Variants in PMEL observed in about 807,000 individuals in gnomAD.
PMEL encodes the protein melanocyte protein PMEL.
Under a neutral mutation model 64.9 loss-of-function variants are expected in PMEL, and 53 were observed. The observed-to-expected ratio is 0.82, with a 90% CI of 0.66 to 1.03. The LOEUF (loss-of-function observed/expected upper bound fraction) is 1.03, where lower values mean the gene tolerates loss of function less well. Ranked by LOEUF, PMEL falls within the 50% of genes least tolerant of loss-of-function variation. PMEL has a pLI of 0.00. For missense variants in PMEL, 716 were observed against 814.9 expected (o/e 0.88, Z 1.48); for synonymous variants, 299 against 316.2 (o/e 0.95, Z 0.58).
chr12:55,963,414 G>A (rs1371280509), intron 1 of PMEL, among the ~76,000 whole-genome samples: 1 of 152,136 alleles, frequency 6.6e-6, no homozygotes, highest in African/African-American at 2.4e-5. Flanking sequence ...TGTTGTTTTT[G>A]TTTTTGTTTT....
At position 55,954,118 on chromosome 12, in the gene PMEL, A is replaced by G. The variant is rs189778359; in HGVS notation, c.*96T>C. On this transcript the variant is annotated 3_prime_UTR_variant, in exon 11 of 11. Coordinates refer to ENST00000548747, the MANE Select transcript of PMEL (RefSeq NM_001384361.1). ...GAAAAACCAGCATCAGGCTCTGAGT[A>G]TTTATTTCAGTTAATAGTAGTCTCC... 3.5e-4 allele frequency: 420 copies of G among 1,210,890 alleles called. 4 individuals are homozygous for G. The African/African-American group carries it at 6.0e-3, about 17-fold the overall frequency. The allele number at this position is 1,210,890 out of a possible 1,614,324, so 75.0% of individuals were successfully genotyped here. A position where few individuals can be genotyped will look rare whatever the true frequency, so the allele number is the denominator to read the frequency against.
chr12:55,961,703 A>C lies in PMEL; in HGVS notation c.106T>G (p.Ser36Ala), dbSNP rs2136446807. ...CAGGCTTTGGTTCTGAGTTGCCTTG[A>C]GACACCAAGCCAGTCCTGGTTTCTG... ...VPRNQDWLGV[S>A]RQLRTKAWNR... Residue 36 changes from serine (S) to alanine (A), a missense_variant, in exon 2 of 11, where the codon TCA (serine) becomes GCA (alanine). Transcript: ENST00000548747. 1 of 1,614,036 alleles carries C rather than the reference A, an allele frequency of 6.2e-7. No individual in the cohort carries two copies. Among genetic ancestry groups the C allele is most frequent in the African/African-American group, 1.3e-5 (1 of 75,040 alleles).
chr12:55,958,698 G>A, intron 3 of PMEL, 91 bp from the exon 4 acceptor site: 4 of 1,293,488 alleles, frequency 3.1e-6, no homozygotes, highest in South Asian at 1.4e-5. Context: ...ATCAGAGAGG[G>A]GCTCTGGGAA....
chr12:55,958,601 T>C lies in PMEL; in HGVS notation c.341A>G (p.Gln114Arg). 6.2e-7 allele frequency: 1 copy of C among 1,613,446 alleles called. No homozygotes were observed. Among genetic ancestry groups the C allele is most frequent in the Non-Finnish European group, 8.5e-7 (1 of 1,179,790 alleles). ...WVNNTIINGS[Q>R]VWGGQPVYPQ... ...ATACACTGGCTGTCCTCCCCACACC[T>C]GGCTCCCTGAAAGATAAATACAGAG... The change falls in exon 4 of 11, where the codon CAG (glutamine) becomes CGG (arginine). Residue 114 changes from glutamine (Q) to arginine (R), a missense_variant. Coordinates refer to ENST00000548747, the MANE Select transcript of PMEL (RefSeq NM_001384361.1).
In PMEL at chr12:55,958,535, C is replaced by A. The variant is rs770219947; in HGVS notation, c.407G>T (p.Gly136Val). 1 of 1,614,068 alleles carries A rather than the reference C, an allele frequency of 6.2e-7. No individual in the cohort carries two copies. The highest frequency in any genetic ancestry group is 1.7e-5 in the Admixed American group (1 of 60,012). The change falls in exon 4 of 11, where the codon GGA becomes GTA. Residue 136 changes from glycine to valine, a missense_variant. Physicochemically the swap from Gly to Val is moderately radical, Grantham distance 109. Transcript: ENST00000548747. ...TDDACIFPDG[G>V]PCPSGSWSQK... is the part of the protein sequence containing the mutation. ...AGACCAAGAGCCAGATGGGCAAGGTCCACCATCAGGGAAGATGCAGGCATC... is the reference window on the plus strand; with the variant it reads ...AGACCAAGAGCCAGATGGGCAAGGTACACCATCAGGGAAGATGCAGGCATC...
chr12:55,954,305 T>C lies in PMEL; in HGVS notation c.1895A>G (p.His632Arg). Residue 632 changes from histidine (H) to arginine (R), a missense_variant, in exon 11 of 11, where the codon CAT becomes CGT. Physicochemically the swap from His to Arg is conservative, Grantham distance 29 (BLOSUM62 0). Coordinates refer to ENST00000548747, the MANE Select transcript of PMEL (RefSeq NM_001384361.1). ...TAGACGCAGCCAGTGACTGCTGCTA[T>C]GTGGCAACTGGGGTACGGAGAAGTC... ...KQDFSVPQLP[H>R]SSSHWLRLPR... 1 of 1,614,136 alleles carries C rather than the reference T, an allele frequency of 6.2e-7. No homozygotes were observed. Among genetic ancestry groups the C allele is most frequent in the Non-Finnish European group, 8.5e-7 (1 of 1,179,962 alleles).
chr12:55,955,956 C>A, intron 7 of PMEL, 93 bp from the exon 8 acceptor site: 2 of 1,202,894 alleles, frequency 1.7e-6, no homozygotes, highest in African/African-American at 1.5e-5. Flanking sequence ...CTCCACCAAT[C>A]CCATCCCTGT....
intron 4 of PMEL, 76 bp from the exon 5 acceptor site, chr12:55,958,160 G>C: frequency 2.1e-6 from 3 of 1,462,256 alleles, no homozygotes; most frequent in Non-Finnish European, 2.8e-6. Context: ...CTTCGAAACG[G>C]CACTGGAGAT....
At chr12:55,956,351 G>C (rs1888886052) in intron 6 of PMEL, 132 bp from the exon 7 acceptor site, 2 of 649,278 alleles carry the variant, frequency 3.1e-6, no homozygotes, top group Non-Finnish European at 2.8e-6. Context: ...AATCAGATAA[G>C]ACCTGGGAAA....
At chr12:55,959,415 TAAG>T (rs1386470102) in intron 3 of PMEL, among the ~76,000 whole-genome samples, 1 of 145,874 alleles carries the variant, frequency 6.9e-6, no homozygotes, top group African/African-American at 2.7e-5. Context: ...ATAAATAAAA[TAAG>T]AAAAATAAAA....
In PMEL at chr12:55,957,386, A is replaced by G; in HGVS notation, c.917T>C (p.Val306Ala). ...CCTGTGCCCATCTGTGGTGCCTGGA[A>G]CTGGGGAGGAGCCACAGGAGGTGAG... ...IPLTSCGSSP[V>A]PGTTDGHRPT... is the part of the protein sequence containing the mutation. The change falls in exon 6 of 11, where the codon GTT becomes GCT. Residue 306 changes from valine to alanine, a missense_variant. By Grantham distance (64) the Val-to-Ala change is moderately conservative (BLOSUM62 0). Transcript: ENST00000548747. 1.3e-6 allele frequency: 2 copies of G among 1,599,482 alleles called. No individual in the cohort carries two copies.
rs2136432678 is a variant in PMEL at position 55,954,366 on chromosome 12, G to A, written c.1851-17C>T. On this transcript the variant is annotated splice_polypyrimidine_tract_variant and intron_variant, in intron 10 of 10. Coordinates refer to ENST00000548747, the MANE Select transcript of PMEL (RefSeq NM_001384361.1). ...AGTCTGCGCCTGATATTGGGAGAAG[G>A]GGTAAACTGGTTAGCAATGGACAAA... The A allele has an allele frequency of 6.2e-7, 1 of 1,613,810 alleles. No individual in the cohort carries two copies. The highest frequency in any genetic ancestry group is 2.2e-5 in the East Asian group (1 of 44,884).
chr12:55,954,436 C>T, intron 10 of PMEL, 87 bp from the exon 11 acceptor site: 2 of 1,394,422 alleles, frequency 1.4e-6, no homozygotes, highest in South Asian at 2.4e-5. Context: ...ACACCCATAT[C>T]CCAGTCTGCT....
intron 9 of PMEL, 51 bp from the exon 10 acceptor site, chr12:55,955,412 G>GA: frequency 2.5e-6 from 4 of 1,612,440 alleles, no homozygotes; most frequent in Non-Finnish European, 3.4e-6. Flanking sequence ...CTGCTTGCCA[G>GA]CTGCCCTCTA....
intron 3 of PMEL, among the ~76,000 whole-genome samples, chr12:55,959,929 C>T (rs983210658): frequency 6.6e-6 from 1 of 152,072 alleles, no homozygotes; most frequent in Non-Finnish European, 1.5e-5. Flanking sequence ...TACAACAATC[C>T]TTTTATCTTC....
In PMEL at chr12:55,965,997, T is replaced by A; in HGVS notation, c.15A>T (p.Leu5=). 1 of 1,614,250 alleles carries A rather than the reference T, an allele frequency of 6.2e-7. No individual in the cohort carries two copies. The part of the protein sequence containing the change: MDLV[L]KRCLLHLAVI... ...CAGCCAAATGAAGAAGGCATCTTTT[T>A]AGCACCAGATCCATTGTGTTCTTCC... The change falls in exon 1 of 11, where the codon CTA becomes CTT. Residue 5 remains leucine (L), a synonymous_variant. Transcript: ENST00000548747.
upstream of PMEL, chr12:55,966,235 C>T: frequency 9.1e-6 from 6 of 656,920 alleles, no homozygotes; most frequent in Non-Finnish European, 1.5e-5. Flanking sequence ...CTGGGTCACT[C>T]TCATCTTGAT....
rs1418777720 is a variant in PMEL at position 55,954,184 on chromosome 12, C to T, written c.*30G>A. The T allele has an allele frequency of 1.3e-6, 2 of 1,573,120 alleles. No individual in the cohort carries two copies. Among genetic ancestry groups the T allele is most frequent in the Non-Finnish European group, 1.7e-6 (2 of 1,161,210 alleles). On this transcript the variant is annotated 3_prime_UTR_variant, in exon 11 of 11. Transcript: ENST00000548747. Reference sequence around the variant, plus strand: ...GAAATATAGGTGTTTCTGTCAACTCCAGGAAAATCACAGCATCATATGAGA... The same window carrying T: ...GAAATATAGGTGTTTCTGTCAACTCTAGGAAAATCACAGCATCATATGAGA...
At chr12:55,961,091 G>A in intron 3 of PMEL, 1 of 432,036 alleles carries the variant, frequency 2.3e-6, no homozygotes, top group Non-Finnish European at 4.3e-6. Context: ...TGTAGTCCCA[G>A]CTACTCGGGA....
Sources: allele counts gnomAD v4.1 joint callset (sites outside exome capture counted in the v4.1 genomes callset), GRCh38; gene constraint gnomAD v4.1.1; transcripts MANE v1.5; gene names NCBI Gene and HGNC (gene_info 2026-07-23, HGNC 2026-07-21).